The following BRINP1 variants were observed in gnomAD, a reference collection of about 807,000 sequenced individuals.
BRINP1 encodes BMP/retinoic acid-inducible neural-specific protein 1.
In BRINP1, 17 loss-of-function variants were observed where a neutral mutation model predicts 72.9. The observed-to-expected ratio is 0.23, with a 90% CI of 0.16 to 0.35. The LOEUF (loss-of-function observed/expected upper bound fraction) is 0.35. Among genes scored for constraint, BRINP1 ranks in the 10% least tolerant of loss-of-function variants. BRINP1 has a pLI of 1.00. For missense variants in BRINP1, 850 were observed against 1,001.6 expected (o/e 0.85, Z 2.04); for synonymous variants, 418 against 378.5 (o/e 1.10, Z -1.21).
intron 3 of BRINP1, among the ~76,000 whole-genome samples, chr9:119,244,348 T>C (rs1222110622): frequency 6.6e-6 from 1 of 152,184 alleles, no homozygotes; most frequent in Non-Finnish European, 1.5e-5. Context: ...AGACTTTGAG[T>C]TCTGGGGGCC....
At chr9:119,274,883 T>G (rs1830640714) in intron 2 of BRINP1, among the ~76,000 whole-genome samples, 1 of 152,190 alleles carries the variant, frequency 6.6e-6, no homozygotes, top group African/African-American at 2.4e-5. Context: ...TACACATATA[T>G]GATATATACA....
chr9:119,277,909 C>G (rs1027684055), intron 2 of BRINP1, among the ~76,000 whole-genome samples: 2 of 152,046 alleles, frequency 1.3e-5, no homozygotes, highest in African/African-American at 4.8e-5. Flanking sequence ...AAAGAGGTTA[C>G]CCCCCTACCT....
At chr9:119,366,540 GT>G (rs1831694474) in intron 1 of BRINP1, among the ~76,000 whole-genome samples, 1 of 150,208 alleles carries the variant, frequency 6.7e-6, no homozygotes, top group African/African-American at 2.5e-5. Flanking sequence ...GTGTGTGTGT[GT>G]GTGTGTGTGT....
chr9:119,218,182 C>A (rs1829999648), intron 5 of BRINP1, among the ~76,000 whole-genome samples: 2 of 150,810 alleles, frequency 1.3e-5, no homozygotes, highest in South Asian at 2.1e-4. Context: ...GCTCCAGGCA[C>A]TCATTTGTTG....
chr9:119,209,871 C>T (rs532029351), intron 6 of BRINP1, among the ~76,000 whole-genome samples: 3 of 152,260 alleles, frequency 2.0e-5, no homozygotes, highest in Non-Finnish European at 4.4e-5. Flanking sequence ...CCCGGTGATC[C>T]AGTGTTGTTT....
chr9:119,369,266 C>G lies in BRINP1; in HGVS notation c.-261G>C. 1 of 398,806 alleles carries G rather than the reference C, an allele frequency of 2.5e-6. No homozygotes were observed. Among genetic ancestry groups the G allele is most frequent in the Non-Finnish European group, 4.4e-6 (1 of 226,190 alleles). The allele number at this position is 398,806 out of a possible 1,614,324, so 24.7% of individuals were successfully genotyped here. A position where few individuals can be genotyped will look rare whatever the true frequency, so the allele number is the denominator to read the frequency against. ...CCGAGGACAGGCATGAATCCCGGCTCCGGAAGGCGGTCACTACTCCCTCTG... is the reference window on the plus strand; with the variant it reads ...CCGAGGACAGGCATGAATCCCGGCTGCGGAAGGCGGTCACTACTCCCTCTG... On this transcript the variant is annotated 5_prime_UTR_variant, in exon 1 of 8. Coordinates refer to ENST00000265922, the MANE Select transcript of BRINP1 (RefSeq NM_014618.3).
chr9:119,269,315 A>G (rs1052269181), intron 2 of BRINP1, among the ~76,000 whole-genome samples: 1 of 152,208 alleles, frequency 6.6e-6, no homozygotes, highest in African/African-American at 2.4e-5. Context: ...AGGAACTTGC[A>G]ATTTCTAGAT....
chr9:119,269,530 C>A (rs181189485), intron 2 of BRINP1, among the ~76,000 whole-genome samples: 195 of 152,274 alleles, frequency 1.3e-3, no homozygotes, highest in Non-Finnish European at 2.2e-3. Context: ...CTACCCCCAC[C>A]CCTGTTTAAA....
At chr9:119,305,224 A>G (rs954993545) in intron 2 of BRINP1, among the ~76,000 whole-genome samples, 3 of 152,222 alleles carry the variant, frequency 2.0e-5, no homozygotes, top group Non-Finnish European at 4.4e-5. Context: ...TTTCAATCAT[A>G]TATTTTTATC....
intron 1 of BRINP1, among the ~76,000 whole-genome samples, chr9:119,343,936 T>C (rs958885590): frequency 2.6e-5 from 4 of 151,062 alleles, no homozygotes; most frequent in Non-Finnish European, 5.9e-5. Context: ...TTACTAGACC[T>C]AATATACCCA....
intron 2 of BRINP1, among the ~76,000 whole-genome samples, chr9:119,272,499 A>G (rs1830617744): frequency 6.6e-6 from 1 of 152,218 alleles, no homozygotes; most frequent in East Asian, 1.9e-4. Flanking sequence ...AGAGCAGACA[A>G]CAAAACTGCT....
At chr9:119,269,415 CTG>C (rs987753441) in intron 2 of BRINP1, among the ~76,000 whole-genome samples, 1 of 152,176 alleles carries the variant, frequency 6.6e-6, no homozygotes, top group African/African-American at 2.4e-5. Context: ...TTCATTTTTA[CTG>C]TGTCTTATTC....
chr9:119,338,599 G>T (rs561930711), intron 1 of BRINP1, among the ~76,000 whole-genome samples: 2 of 151,258 alleles, frequency 1.3e-5, no homozygotes, highest in African/African-American at 2.4e-5. Flanking sequence ...GGGGGCGGGC[G>T]CGGTGGCTCA....
chr9:119,328,409 C>T (rs548343898), intron 1 of BRINP1, among the ~76,000 whole-genome samples: 120 of 152,152 alleles, frequency 7.9e-4, no homozygotes, highest in Non-Finnish European at 1.6e-3. Context: ...AAATGGCTCT[C>T]CTTTCTCCCT....
chr9:119,168,006 T>C lies in BRINP1; in HGVS notation c.1364A>G (p.Lys455Arg). The change falls in exon 8 of 8, where the codon AAG (lysine) becomes AGG (arginine). Residue 455 changes from lysine (K) to arginine (R), a missense_variant. Lys to Arg is a conservative substitution (Grantham distance 26). Transcript: ENST00000265922. Reference protein sequence around the residue: ...SLCGSCNKGYKLYRGRCEPQN... With the variant: ...SLCGSCNKGYRLYRGRCEPQN... ...TGGTTCACAGCGGCCTCGATACAGC[T>C]TGTAGCCCTTGTTGCAGGAGCCGCA... 6.2e-7 allele frequency: 1 copy of C among 1,613,816 alleles called. No homozygotes were observed. Among genetic ancestry groups the C allele is most frequent in the Non-Finnish European group, 8.5e-7 (1 of 1,179,712 alleles).
At chr9:119,288,716 T>C (rs1830791832) in intron 2 of BRINP1, among the ~76,000 whole-genome samples, 1 of 152,188 alleles carries the variant, frequency 6.6e-6, no homozygotes, top group Non-Finnish European at 1.5e-5. Flanking sequence ...AGGTGCTCAC[T>C]AAAAATATCT....
chr9:119,194,734 T>G (rs1829717318), intron 7 of BRINP1, among the ~76,000 whole-genome samples: 1 of 152,176 alleles, frequency 6.6e-6, no homozygotes, highest in Admixed American at 6.5e-5. Context: ...CACAAGAAAC[T>G]GAATTCTGCC....
chr9:119,187,827 A>G (rs1033975243), intron 7 of BRINP1, among the ~76,000 whole-genome samples: 3 of 152,198 alleles, frequency 2.0e-5, no homozygotes, highest in Admixed American at 6.5e-5. Flanking sequence ...AATTAATAAA[A>G]CTTCAAGATC....
intron 7 of BRINP1, among the ~76,000 whole-genome samples, chr9:119,170,402 G>T (rs1258792614): frequency 6.0e-5 from 9 of 150,304 alleles, no homozygotes; most frequent in Admixed American, 5.3e-4. Flanking sequence ...TGAAATGAAT[G>T]AAATGAAGTG....
Sources: allele counts gnomAD v4.1 joint callset (sites outside exome capture counted in the v4.1 genomes callset), GRCh38; gene constraint gnomAD v4.1.1; transcripts MANE v1.5; gene names NCBI Gene and HGNC (gene_info 2026-07-23, HGNC 2026-07-21).